ARLN: variants seen among roughly 807,000 people sequenced by gnomAD.
ARLN encodes the protein sarcoplasmic/endoplasmic reticulum calcium ATPase regulator ARLN.
the ARLN span, among the ~76,000 whole-genome samples, chr4:119,299,336 A>AT: frequency 2.2e-4 from 33 of 152,272 alleles, no homozygotes; most frequent in East Asian, 6.0e-3. Flanking sequence ...AAAATATAGG[A>AT]TGGGGGTTGG....
the ARLN span, among the ~76,000 whole-genome samples, chr4:119,303,419 G>A: frequency 1.3e-5 from 2 of 151,998 alleles, no homozygotes; most frequent in African/African-American, 4.8e-5. Flanking sequence ...ATTTTTAGTA[G>A]AGACAGAGTT....
chr4:119,298,670 A>T, the ARLN span: 66 of 655,030 alleles, frequency 1.0e-4, 1 homozygote, highest in East Asian at 1.7e-3. Flanking sequence ...TCCCTTGGAG[A>T]TGTGAAATTC....
chr4:119,303,088 T>C, the ARLN span, among the ~76,000 whole-genome samples: 1 of 152,298 alleles, frequency 6.6e-6, no homozygotes, highest in East Asian at 1.9e-4. Flanking sequence ...AAATTATTCT[T>C]TCTCATCTTA....
At chr4:119,300,303 TTACCACCCCAATTTTGCA>T in the ARLN span, 3 of 1,562,938 alleles carry the variant, frequency 1.9e-6, no homozygotes, top group Non-Finnish European at 2.6e-6. Context: ...TCTAAGCTCC[TTACCACCCCAATTTTGCA>T]TTCGAGATAC....
the ARLN span, chr4:119,300,699 G>A: frequency 3.9e-6 from 6 of 1,530,510 alleles, no homozygotes; most frequent in African/African-American, 6.9e-5. Flanking sequence ...CAGCGCGCAG[G>A]CGCCTGGCTC....
At chr4:119,296,952 CG>C in the ARLN span, 4 of 152,208 alleles carry the variant, frequency 2.6e-5, no homozygotes, top group African/African-American at 9.7e-5. Flanking sequence ...GGATTATGAT[CG>C]GAAGTCTGTG....
the ARLN span, chr4:119,297,055 A>G: frequency 2.0e-5 from 3 of 152,224 alleles, no homozygotes; most frequent in Admixed American, 6.5e-5. Flanking sequence ...ACTCAGCTAT[A>G]TAAGTAAACA....
At chr4:119,298,736 T>A in the ARLN span, 2 of 766,400 alleles carry the variant, frequency 2.6e-6, no homozygotes, top group Non-Finnish European at 4.8e-6. Context: ...TTTTCAGAAT[T>A]CACTCAAGAA....
chr4:119,299,336 A>G, the ARLN span, among the ~76,000 whole-genome samples: 1 of 152,154 alleles, frequency 6.6e-6, no homozygotes, highest in Admixed American at 6.5e-5. Flanking sequence ...AAAATATAGG[A>G]TGGGGGTTGG....
At chr4:119,298,465 T>A in the ARLN span, 2 of 246,990 alleles carry the variant, frequency 8.1e-6, no homozygotes, top group Non-Finnish European at 1.5e-5. Flanking sequence ...CATTACTATA[T>A]TTCTTAATGA....
At chr4:119,303,599 A>T in the ARLN span, among the ~76,000 whole-genome samples, 1 of 152,274 alleles carries the variant, frequency 6.6e-6, no homozygotes, top group South Asian at 2.1e-4. Context: ...GAGTTGTACT[A>T]TCTGCTGGGC....
chr4:119,299,274 T>C, the ARLN span, among the ~76,000 whole-genome samples: 1 of 152,110 alleles, frequency 6.6e-6, no homozygotes. Context: ...TCTAACTTAC[T>C]ACACCATCCA....
the ARLN span, among the ~76,000 whole-genome samples, chr4:119,302,603 CT>C: frequency 6.6e-6 from 1 of 152,228 alleles, no homozygotes; most frequent in Non-Finnish European, 1.5e-5. Context: ...TCCAGGTTCA[CT>C]GTCAGTCATG....
chr4:119,300,283 G>A, the ARLN span: 5 of 1,437,744 alleles, frequency 3.5e-6, no homozygotes, highest in African/African-American at 5.7e-5. Context: ...CCAAAAGCGA[G>A]CAAATGATCT....
chr4:119,300,220 G>T, the ARLN span: 1 of 842,892 alleles, frequency 1.2e-6, no homozygotes, highest in South Asian at 1.7e-5. Context: ...CCACTCACCA[G>T]CTGTGTGATC....
chr4:119,303,150 T>G, the ARLN span, among the ~76,000 whole-genome samples: 1,182 of 152,248 alleles, frequency 7.8e-3, 13 homozygotes, highest in African/African-American at 0.027. Flanking sequence ...GCAACAACCC[T>G]GTTGATTGGT....
At chr4:119,300,886 G>T in the ARLN span, 2 of 1,280,308 alleles carry the variant, frequency 1.6e-6, no homozygotes, top group Non-Finnish European at 2.1e-6. Context: ...TCAGGTGATG[G>T]ACTCCTCCCT....
chr4:119,302,603 C>G, the ARLN span, among the ~76,000 whole-genome samples: 9 of 152,228 alleles, frequency 5.9e-5, no homozygotes, highest in South Asian at 2.1e-4. Flanking sequence ...TCCAGGTTCA[C>G]TGTCAGTCAT....
the ARLN span, among the ~76,000 whole-genome samples, chr4:119,303,437 G>T: frequency 8.6e-5 from 13 of 151,824 alleles, no homozygotes; most frequent in African/African-American, 3.1e-4. Flanking sequence ...GTTTCGCCAT[G>T]TTGGCCAGGC....
Sources: allele counts gnomAD v4.1 joint callset (sites outside exome capture counted in the v4.1 genomes callset), GRCh38; gene constraint gnomAD v4.1.1; transcripts MANE v1.5; gene names NCBI Gene and HGNC (gene_info 2026-07-23, HGNC 2026-07-21).